The following TAFA1 variants were observed in gnomAD, a reference collection of about 807,000 sequenced individuals.
The protein encoded by TAFA1 is TAFA chemokine like family member 1.
TAFA1 carries 4 observed loss-of-function variants against 18.5 expected under a neutral mutation model. That is an observed-to-expected ratio of 0.22 (90% CI 0.11 to 0.49). TAFA1 has a LOEUF of 0.49. TAFA1 is among the 20% of genes least tolerant of loss of function. The probability of loss-of-function intolerance (pLI) is 0.98; values close to 1 mark genes in which losing one functional copy is unlikely to be tolerated. For synonymous variants in TAFA1, 56 were observed against 55.2 expected (o/e 1.01, Z -0.06); for missense variants, 147 against 169.0 (o/e 0.87, Z 0.72).
chr3:68,465,580 T>C (rs2071873018), intron 3 of TAFA1, among the ~76,000 whole-genome samples: 1 of 152,208 alleles, frequency 6.6e-6, no homozygotes. Context: ...GAAGTTAAAG[T>C]CTAGATGCAG....
At chr3:68,107,175 G>A (rs1005281862) in intron 2 of TAFA1, among the ~76,000 whole-genome samples, 2 of 152,092 alleles carry the variant, frequency 1.3e-5, no homozygotes, top group African/African-American at 4.8e-5. Flanking sequence ...TAGAGTAGGA[G>A]TATTTACACT....
intron 2 of TAFA1, among the ~76,000 whole-genome samples, chr3:68,181,802 A>T (rs4447769): frequency 0.68 from 103,166 of 152,062 alleles, 35,411 homozygotes; most frequent in South Asian, 0.78. Context: ...AGGTTGCAAC[A>T]CTTTCATCTG....
chr3:68,017,690 A>T lies in TAFA1; in HGVS notation c.118+10946A>T, dbSNP rs951176948. Among the ~76,000 whole-genome samples, 6 of 152,330 alleles carry T rather than the reference A, an allele frequency of 3.9e-5. No individual in the cohort carries two copies. In the Middle Eastern group the frequency reaches 0.01, roughly 259 times the overall value. ...ATTTAAAGAGCCACATGGGTCCAAT[A>T]GCTACTGTTTAAGATAGTGCAGCTT... On this transcript the variant is annotated intron_variant, in intron 2 of 4. Coordinates refer to ENST00000478136, the MANE Select transcript of TAFA1 (RefSeq NM_213609.4).
chr3:68,073,131 A>G (rs1418198684), intron 2 of TAFA1, among the ~76,000 whole-genome samples: 1 of 152,218 alleles, frequency 6.6e-6, no homozygotes. Flanking sequence ...ATTAGAACAT[A>G]AGTAGATAAA....
chr3:68,417,131 T>G, intron 2 of TAFA1, 149 bp from the exon 3 acceptor site: 1 of 633,812 alleles, frequency 1.6e-6, no homozygotes, highest in Non-Finnish European at 2.8e-6. Context: ...TTACACGTAG[T>G]AGAAGAGAGT....
intron 2 of TAFA1, among the ~76,000 whole-genome samples, chr3:68,356,391 C>A (rs939863880): frequency 6.6e-6 from 1 of 151,740 alleles, no homozygotes; most frequent in Admixed American, 6.6e-5. Context: ...CACAAGGCAG[C>A]GTACACGGAT....
chr3:68,382,804 G>A (rs1224246741), intron 2 of TAFA1, among the ~76,000 whole-genome samples: 2 of 152,108 alleles, frequency 1.3e-5, no homozygotes, highest in Non-Finnish European at 2.9e-5. Flanking sequence ...GGACAGTATG[G>A]CCATTTTAAT....
chr3:68,249,925 C>T (rs190564658), intron 2 of TAFA1, among the ~76,000 whole-genome samples: 2 of 152,218 alleles, frequency 1.3e-5, no homozygotes, highest in African/African-American at 4.8e-5. Context: ...GTTTGAATCA[C>T]ACAGCCTCCG....
At chr3:68,523,794 G>C (rs750083722) in intron 3 of TAFA1, among the ~76,000 whole-genome samples, 1 of 152,056 alleles carries the variant, frequency 6.6e-6, no homozygotes, top group Non-Finnish European at 1.5e-5. Context: ...GTAAATCCAA[G>C]GGCAAAATGC....
chr3:68,113,597 A>G (rs2065285881), intron 2 of TAFA1, among the ~76,000 whole-genome samples: 1 of 152,244 alleles, frequency 6.6e-6, no homozygotes, highest in African/African-American at 2.4e-5. Context: ...TTTCATAACG[A>G]AAATAGAAAG....
chr3:68,110,974 G>A (rs3924309), intron 2 of TAFA1, among the ~76,000 whole-genome samples: 1 of 151,870 alleles, frequency 6.6e-6, no homozygotes. Flanking sequence ...CTTCATCACA[G>A]TAAGAGTTGT....
chr3:68,070,001 G>A (rs545843748), intron 2 of TAFA1, among the ~76,000 whole-genome samples: 12 of 152,284 alleles, frequency 7.9e-5, no homozygotes, highest in Non-Finnish European at 1.0e-4. Context: ...TTTTCCAGGC[G>A]CATGGTGCAA....
intron 3 of TAFA1, among the ~76,000 whole-genome samples, chr3:68,486,036 C>T (rs2106668369): frequency 6.6e-6 from 1 of 152,000 alleles, no homozygotes; most frequent in Middle Eastern, 3.4e-3. Flanking sequence ...CAAGCAGCTC[C>T]TGAGTGAGTA....
intron 3 of TAFA1, among the ~76,000 whole-genome samples, chr3:68,428,966 A>G (rs1394869714): frequency 6.6e-6 from 1 of 151,980 alleles, no homozygotes; most frequent in African/African-American, 2.4e-5. Flanking sequence ...GGTTCAAGTA[A>G]AAAGGGAAGT....
At chr3:68,101,916 C>A (rs559692019) in intron 2 of TAFA1, among the ~76,000 whole-genome samples, 1 of 152,260 alleles carries the variant, frequency 6.6e-6, no homozygotes, top group Admixed American at 6.5e-5. Context: ...TAACACAGAT[C>A]TCAAAGTGGA....
chr3:68,234,916 T>G (rs761500075), intron 2 of TAFA1, among the ~76,000 whole-genome samples: 2 of 152,268 alleles, frequency 1.3e-5, no homozygotes, highest in East Asian at 3.9e-4. Flanking sequence ...TCCTTGGCAG[T>G]GTACATGCTC....
At chr3:68,211,849 T>A (rs1248813266) in intron 2 of TAFA1, among the ~76,000 whole-genome samples, 1 of 151,998 alleles carries the variant, frequency 6.6e-6, no homozygotes, top group African/African-American at 2.4e-5. Context: ...ACTCTGGCCA[T>A]TGTTCACAGT....
At chr3:68,218,091 T>C (rs1310362048) in intron 2 of TAFA1, among the ~76,000 whole-genome samples, 1 of 152,104 alleles carries the variant, frequency 6.6e-6, no homozygotes, top group Non-Finnish European at 1.5e-5. Flanking sequence ...GGAGATTTAA[T>C]TGGCATCCCA....
chr3:68,263,177 T>A (rs2067469618), intron 2 of TAFA1, among the ~76,000 whole-genome samples: 1 of 152,110 alleles, frequency 6.6e-6, no homozygotes, highest in Non-Finnish European at 1.5e-5. Flanking sequence ...ATTCAGAGAT[T>A]CTAATATCCC....
Sources: allele counts gnomAD v4.1 joint callset (sites outside exome capture counted in the v4.1 genomes callset), GRCh38; gene constraint gnomAD v4.1.1; transcripts MANE v1.5; gene names NCBI Gene and HGNC (gene_info 2026-07-23, HGNC 2026-07-21).